Variants in RBFOX3 observed in about 807,000 individuals in gnomAD.
The protein encoded by RBFOX3 is RNA binding protein fox-1 homolog 3.
Under a neutral mutation model 48.7 loss-of-function variants are expected in RBFOX3, and 17 were observed. That is an observed-to-expected ratio of 0.35 (90% CI 0.24 to 0.52). The LOEUF (loss-of-function observed/expected upper bound fraction) is 0.52, where lower values mean the gene tolerates loss of function less well. Ranked by LOEUF, RBFOX3 falls within the 20% of genes least tolerant of loss-of-function variation. The pLI, the probability that RBFOX3 is intolerant of heterozygous loss-of-function variation, is 0.94. For synonymous variants in RBFOX3, 212 were observed against 209.5 expected (o/e 1.01, Z -0.10); for missense variants, 382 against 497.5 (o/e 0.77, Z 2.21).
At chr17:79,451,107 T>C (rs998119317) in intron 2 of RBFOX3, among the ~76,000 whole-genome samples, 3 of 152,116 alleles carry the variant, frequency 2.0e-5, no homozygotes, top group Non-Finnish European at 2.9e-5. Context: ...AAACCCTTCC[T>C]CTCGCCTGCC....
At chr17:79,352,437 C>A (rs1434536739) in intron 2 of RBFOX3, among the ~76,000 whole-genome samples, 1 of 152,114 alleles carries the variant, frequency 6.6e-6, no homozygotes, top group Non-Finnish European at 1.5e-5. Flanking sequence ...GAACTGTGAG[C>A]CAATTAAATC....
chr17:79,097,612 G>C, intron 10 of RBFOX3, 80 bp downstream of exon 10: 52 of 694,892 alleles, frequency 7.5e-5, no homozygotes, highest in Non-Finnish European at 1.1e-4. Flanking sequence ...CGCCCCTCAT[G>C]CCCCGCCCCC....
intron 1 of RBFOX3, among the ~76,000 whole-genome samples, chr17:79,570,934 T>G (rs1212458717): frequency 6.6e-6 from 1 of 152,146 alleles, no homozygotes; most frequent in Non-Finnish European, 1.5e-5. Flanking sequence ...AAACCACAGA[T>G]AAGAGACTCT....
intron 3 of RBFOX3, among the ~76,000 whole-genome samples, chr17:79,265,126 C>T (rs1310601974): frequency 3.3e-5 from 5 of 152,192 alleles, no homozygotes; most frequent in South Asian, 2.1e-4. Context: ...GGCAGTCCAG[C>T]CCCCCGTTCC....
At chr17:79,172,832 T>A (rs2049642479) in intron 4 of RBFOX3, among the ~76,000 whole-genome samples, 1 of 152,234 alleles carries the variant, frequency 6.6e-6, no homozygotes. Context: ...TCCTGATTAT[T>A]CTGGGGGATA....
intron 3 of RBFOX3, among the ~76,000 whole-genome samples, chr17:79,290,572 G>T (rs1400906308): frequency 6.6e-6 from 1 of 152,126 alleles, no homozygotes; most frequent in Non-Finnish European, 1.5e-5. Flanking sequence ...CAAGGGAAGG[G>T]CTCTGAGAGC....
chr17:79,664,085 G>T, the RBFOX3 span, among the ~76,000 whole-genome samples: 3 of 152,152 alleles, frequency 2.0e-5, no homozygotes, highest in Non-Finnish European at 4.4e-5. Flanking sequence ...CCTCTGCTCG[G>T]GTGGGAGAAG....
intron 4 of RBFOX3, among the ~76,000 whole-genome samples, chr17:79,184,020 C>A (rs999336469): frequency 2.0e-5 from 3 of 152,234 alleles, no homozygotes; most frequent in Admixed American, 6.5e-5. Flanking sequence ...GCCGGCTCTG[C>A]GGCCGACCGA....
At chr17:79,630,695 G>A in the RBFOX3 span, among the ~76,000 whole-genome samples, 3 of 152,182 alleles carry the variant, frequency 2.0e-5, no homozygotes, top group African/African-American at 7.2e-5. Flanking sequence ...TATTTTTAAC[G>A]CTCGTGGTTC....
intron 12 of RBFOX3, 105 bp downstream of exon 12, chr17:79,096,538 AGGGTGGGATG>A: frequency 1.1e-6 from 1 of 898,362 alleles, no homozygotes; most frequent in Non-Finnish European, 1.7e-6. Flanking sequence ...CCTGGCTTCA[AGGGTGGGATG>A]GGATGGGATG....
rs2077241692 is a variant in RBFOX3 at position 79,473,044 on chromosome 17, C to T, written c.-175+9410G>A. On this transcript the variant is annotated intron_variant, in intron 2 of 14. Coordinates refer to ENST00000693108, the MANE Select transcript of RBFOX3 (RefSeq NM_001350451.2). The surrounding 1 kb of genome is among the most constrained non-coding windows in gnomAD (Gnocchi z 4.2). ...CCCTTACTTTTGGTTTTTAGAAAAC[C>T]TATAAAAATAGAATCACTAGAAAAA... 6.6e-6 allele frequency among the ~76,000 whole-genome samples: 1 copy of T among 150,766 alleles called. No individual in the cohort carries two copies. Among genetic ancestry groups the T allele is most frequent in the Admixed American group, 6.6e-5 (1 of 15,128 alleles).
At chr17:79,189,528 G>A (rs1443668727) in intron 4 of RBFOX3, among the ~76,000 whole-genome samples, 7 of 152,166 alleles carry the variant, frequency 4.6e-5, no homozygotes, top group South Asian at 4.1e-4. Flanking sequence ...TCACACCACC[G>A]CTCCGTCTGT....
intron 10 of RBFOX3, 57 bp from the exon 11 acceptor site, chr17:79,097,481 C>T: frequency 3.4e-6 from 5 of 1,474,034 alleles, no homozygotes; most frequent in Non-Finnish European, 4.5e-6. Flanking sequence ...CCACCTGGCA[C>T]CCCCTCCCCG....
At position 79,488,474 on chromosome 17, in the gene RBFOX3, G is replaced by C. The variant is rs2079993554; in HGVS notation, c.-319-5876C>G. On this transcript the variant is annotated intron_variant, in intron 1 of 14. Transcript: ENST00000693108. ...TTCTGAGGCTGTTCGTCTTCTCAGA[G>C]CATGCTACACTCCATTCTCTGCAAC... 1.3e-5 allele frequency among the ~76,000 whole-genome samples: 2 copies of C among 152,202 alleles called. 1 individual carries two copies. The highest frequency in any genetic ancestry group is 4.8e-5 in the African/African-American group (2 of 41,456).
At chr17:79,554,691 T>C (rs938799293) in intron 1 of RBFOX3, among the ~76,000 whole-genome samples, 5,527 of 152,384 alleles carry the variant, frequency 0.036, 149 homozygotes, top group Admixed American at 0.05. Context: ...GTTTTCAATA[T>C]ACATTTGTGG....
At position 79,477,448 on chromosome 17, in the gene RBFOX3, T is replaced by A. The variant is rs371196710; in HGVS notation, c.-175+5006A>T. Among the ~76,000 whole-genome samples the A allele has an allele frequency of 1.3e-5, 2 of 150,252 alleles. No homozygotes were observed. Among genetic ancestry groups the A allele is most frequent in the Non-Finnish European group, 3.0e-5 (2 of 67,542 alleles). On this transcript the variant is annotated intron_variant, in intron 2 of 14. Transcript: ENST00000693108. This position sits in a 1 kb window ranked among gnomAD's most constrained non-coding sequence, Gnocchi z 4.8. ...GCGGGCGCCTGTAGTCCCAGCTACT[T>A]GGGAGGCTGAGGCAGGAGAATGGCG... is the stretch of plus-strand genomic sequence containing the variant.
In RBFOX3 at chr17:79,443,445, G is replaced by A. The variant is rs111243699; in HGVS notation, c.-175+39009C>T. ...CGCCCAGGCTGGAGTGCAGTGGCTC[G>A]ATCTCGGCTCGCTGCAACCTCTGCC... On this transcript the variant is annotated intron_variant, in intron 2 of 14. Coordinates refer to ENST00000693108, the MANE Select transcript of RBFOX3 (RefSeq NM_001350451.2). This position sits in a 1 kb window ranked among gnomAD's most constrained non-coding sequence, Gnocchi z 4.4. Among the ~76,000 whole-genome samples, 36 of 151,906 alleles carry A rather than the reference G, an allele frequency of 2.4e-4. No individual in the cohort carries two copies. Among genetic ancestry groups the A allele is most frequent in the African/African-American group, 8.5e-4 (35 of 41,408 alleles).
At chr17:79,369,179 C>A (rs1338911787) in intron 2 of RBFOX3, among the ~76,000 whole-genome samples, 1 of 152,182 alleles carries the variant, frequency 6.6e-6, no homozygotes, top group Non-Finnish European at 1.5e-5. Flanking sequence ...GAGCAACGGG[C>A]AACTCTGGGT....
intron 1 of RBFOX3, among the ~76,000 whole-genome samples, chr17:79,522,927 C>A (rs2150009091): frequency 4.5e-5 from 4 of 88,148 alleles, no homozygotes; most frequent in African/African-American, 1.1e-4. Flanking sequence ...AAGACTCCGT[C>A]TCAAAAAAAA....
Sources: gnomAD v4.1 joint callset for allele counts (sites outside exome capture counted in the v4.1 genomes callset) on GRCh38, gnomAD v4.1.1 for gene constraint, Gnocchi (gnomAD v3.1) non-coding constraint, MANE v1.5 for transcripts, NCBI Gene and HGNC (gene_info 2026-07-23, HGNC 2026-07-21) for gene names.